The following LPP variants were observed in gnomAD, a reference collection of about 807,000 sequenced individuals.
LPP encodes LIM domain containing preferred translocation partner in lipoma, also known as lipoma-preferred partner.
Under a neutral mutation model 60.4 loss-of-function variants are expected in LPP, and 38 were observed. The observed-to-expected ratio is 0.63, with a 90% CI of 0.49 to 0.83. The LOEUF (loss-of-function observed/expected upper bound fraction) is 0.83. LPP is among the 40% of genes least tolerant of loss of function. The pLI, the probability that LPP is intolerant of heterozygous loss-of-function variation, is 0.00. For missense variants in LPP, 902 were observed against 783.6 expected, an observed-to-expected ratio of 1.15 and a Z score of -1.80; for synonymous variants, 328 against 290.8, an observed-to-expected ratio of 1.13 and a Z score of -1.30.
At chr3:188,455,751 G>C (rs1797595927) in intron 4 of LPP, among the ~76,000 whole-genome samples, 1 of 151,936 alleles carries the variant, frequency 6.6e-6, no homozygotes, top group Non-Finnish European at 1.5e-5. Flanking sequence ...CCTATAAAGA[G>C]AATATTGGTT....
At chr3:188,213,916 T>G (rs933433146) in intron 1 of LPP, among the ~76,000 whole-genome samples, 10 of 150,036 alleles carry the variant, frequency 6.7e-5, no homozygotes, top group Non-Finnish European at 7.4e-5. Flanking sequence ...AATTCTGGAA[T>G]ATTATGCCCA....
At chr3:188,579,592 T>G (rs1265406834) in intron 6 of LPP, among the ~76,000 whole-genome samples, 1 of 152,144 alleles carries the variant, frequency 6.6e-6, no homozygotes, top group African/African-American at 2.4e-5. Flanking sequence ...AAATTTTATT[T>G]TTAAATATAG....
At position 188,287,099 on chromosome 3, in the gene LPP, C is replaced by T. The variant is rs562294492; in HGVS notation, c.-66-54564C>T. ...TATTTTTCTTAGAGATGGGGTTTCA[C>T]CATGTTGGCCAGCCTGGTCTCAAAC... On this transcript the variant is annotated intron_variant, in intron 2 of 11. Transcript: ENST00000617246. Among the ~76,000 whole-genome samples the T allele has an allele frequency of 2.4e-3, 363 of 152,298 alleles. 1 individual carries two copies. Among genetic ancestry groups the T allele is most frequent in the African/African-American group, 8.4e-3 (351 of 41,560 alleles).
chr3:188,433,628 G>GA, intron 4 of LPP, among the ~76,000 whole-genome samples: 2 of 134,664 alleles, frequency 1.5e-5, no homozygotes, highest in Admixed American at 7.2e-5. Context: ...GAGAGAGAGA[G>GA]GAGAAAGGAG....
intron 5 of LPP, among the ~76,000 whole-genome samples, chr3:188,485,751 C>T (rs914048765): frequency 3.8e-5 from 5 of 130,640 alleles, no homozygotes; most frequent in Non-Finnish European, 6.3e-5. Context: ...GAGCCGAGAT[C>T]GCACCACTGC....
intron 4 of LPP, among the ~76,000 whole-genome samples, chr3:188,417,085 G>C (rs1222317902): frequency 1.3e-5 from 2 of 152,042 alleles, no homozygotes; most frequent in African/African-American, 4.8e-5. Flanking sequence ...GCTGAGGACA[G>C]CACCTGGGGC....
At chr3:188,840,193 C>A (rs940325131) in intron 9 of LPP, among the ~76,000 whole-genome samples, 2 of 152,084 alleles carry the variant, frequency 1.3e-5, no homozygotes, top group African/African-American at 2.4e-5. Flanking sequence ...CTTTTTCCAG[C>A]TATTGATGAG....
At chr3:188,833,379 G>C (rs1205847135) in intron 9 of LPP, among the ~76,000 whole-genome samples, 1 of 152,190 alleles carries the variant, frequency 6.6e-6, no homozygotes, top group Non-Finnish European at 1.5e-5. Context: ...ATCAAACTTA[G>C]TTGCTAATTA....
intron 8 of LPP, among the ~76,000 whole-genome samples, chr3:188,741,753 C>CA (rs1724510885): frequency 6.6e-6 from 1 of 151,686 alleles, no homozygotes; most frequent in South Asian, 2.1e-4. Context: ...AAGGAGTATA[C>CA]AAAAAACCCC....
chr3:188,679,562 T>TGCGC (rs1553793581), intron 7 of LPP, among the ~76,000 whole-genome samples: 67 of 124,118 alleles, frequency 5.4e-4, no homozygotes, highest in South Asian at 3.9e-3. Context: ...TGTGTGTGTG[T>TGCGC]GCGCGCGCGC....
intron 4 of LPP, among the ~76,000 whole-genome samples, chr3:188,426,501 T>G (rs1789380341): frequency 6.6e-6 from 1 of 152,198 alleles, no homozygotes; most frequent in Admixed American, 6.5e-5. Flanking sequence ...AAGTCCTTGA[T>G]ATCCTTGTTA....
intron 6 of LPP, among the ~76,000 whole-genome samples, chr3:188,591,970 G>A (rs774440923): frequency 6.6e-6 from 1 of 152,202 alleles, no homozygotes; most frequent in Non-Finnish European, 1.5e-5. Flanking sequence ...AAGTGTGGAG[G>A]TGGGAGCTGA....
chr3:188,455,634 A>G (rs888383396), intron 4 of LPP, among the ~76,000 whole-genome samples: 2 of 152,234 alleles, frequency 1.3e-5, no homozygotes, highest in Admixed American at 6.5e-5. Flanking sequence ...GAACTCTATC[A>G]TAATATACTG....
intron 7 of LPP, among the ~76,000 whole-genome samples, chr3:188,656,217 A>C (rs963327903): frequency 7.0e-6 from 1 of 143,482 alleles, no homozygotes; most frequent in South Asian, 2.3e-4. Flanking sequence ...AAAAAAAAAA[A>C]CACTTTGATT....
chr3:188,199,591 T>C (rs1730480213), intron 1 of LPP, among the ~76,000 whole-genome samples: 1 of 152,200 alleles, frequency 6.6e-6, no homozygotes, highest in African/African-American at 2.4e-5. Context: ...GTAGTTACGC[T>C]ATAACCATGC....
At chr3:188,830,862 C>A (rs757816941) in intron 9 of LPP, among the ~76,000 whole-genome samples, 181 of 152,296 alleles carry the variant, frequency 1.2e-3, no homozygotes, top group Middle Eastern at 6.8e-3. Context: ...TGTGTGCTTA[C>A]CCTGGATTGT....
intron 7 of LPP, among the ~76,000 whole-genome samples, chr3:188,652,511 A>G (rs1421520356): frequency 6.6e-6 from 1 of 152,166 alleles, no homozygotes; most frequent in Non-Finnish European, 1.5e-5. Flanking sequence ...CAGATTCTGT[A>G]TAATGCAAAA....
chr3:188,366,897 T>C (rs983315251), intron 3 of LPP, among the ~76,000 whole-genome samples: 7 of 151,468 alleles, frequency 4.6e-5, no homozygotes, highest in Non-Finnish European at 1.0e-4. Flanking sequence ...TTATAAAGAA[T>C]TGATTTTTTT....
intron 4 of LPP, among the ~76,000 whole-genome samples, chr3:188,420,844 G>T (rs1268959019): frequency 6.6e-6 from 1 of 152,164 alleles, no homozygotes; most frequent in Admixed American, 6.6e-5. Context: ...ACAGTAGAAA[G>T]TGTAACGTGT....
Sources: allele counts gnomAD v4.1 joint callset (sites outside exome capture counted in the v4.1 genomes callset), GRCh38; gene constraint gnomAD v4.1.1; transcripts MANE v1.5; gene names NCBI Gene and HGNC (gene_info 2026-07-23, HGNC 2026-07-21).